Variants in MDM4 observed in about 807,000 individuals in gnomAD.
MDM4 encodes the protein MDM4 regulator of p53.
Under a neutral mutation model 60.2 loss-of-function variants are expected in MDM4, and 2 were observed. The ratio of observed to expected loss-of-function variants is 0.03; its 90% confidence interval spans 0.01 to 0.10. The LOEUF is 0.10. Ranked by LOEUF, MDM4 falls within the 10% of genes least tolerant of loss-of-function variation. The pLI, the probability that MDM4 is intolerant of heterozygous loss-of-function variation, is 1.00. For missense variants in MDM4, 447 were observed against 577.5 expected (o/e 0.77, Z 2.32); for synonymous variants, 202 against 198.1 (o/e 1.02, Z -0.17).
intron 3 of MDM4, chr1:204,529,286 C>T (rs1338178365): frequency 5.3e-6 from 4 of 748,124 alleles, no homozygotes; most frequent in African/African-American, 1.7e-5. Context: ...TGCTTCACCT[C>T]CTTCATGGAG....
In MDM4 at chr1:204,532,475, A is replaced by G. The variant is rs574738020; in HGVS notation, c.343+229A>G. The G allele has an allele frequency of 6.2e-5, 35 of 562,784 alleles. No individual in the cohort carries two copies. The East Asian group carries it at 9.9e-4, about 16-fold the overall frequency. The allele number at this position is 562,784 out of a possible 1,614,324, so 34.9% of individuals were successfully genotyped here. A position where few individuals can be genotyped will look rare whatever the true frequency, so the allele number is the denominator to read the frequency against. On this transcript the variant is annotated intron_variant, in intron 5 of 10. Coordinates refer to ENST00000367182, the MANE Select transcript of MDM4 (RefSeq NM_002393.5). Reference sequence around the variant, plus strand: ...CTAGACGTACTGTTAACGTTTTGTCATATTGCTTCATCTAGACACACTTTT... The same window carrying G: ...CTAGACGTACTGTTAACGTTTTGTCGTATTGCTTCATCTAGACACACTTTT...
intron 4 of MDM4, 129 bp from the exon 5 acceptor site, chr1:204,532,062 G>A: frequency 3.5e-6 from 2 of 564,112 alleles, no homozygotes; most frequent in South Asian, 2.5e-5. Flanking sequence ...AAAAGATTCT[G>A]CCTTTGTATG....
chr1:204,544,653 G>T lies in MDM4; in HGVS notation c.791G>T (p.Ser264Ile). 6.2e-7 allele frequency: 1 copy of T among 1,613,320 alleles called. No individual in the cohort carries two copies. Among genetic ancestry groups the T allele is most frequent in the Non-Finnish European group, 8.5e-7 (1 of 1,179,458 alleles). Reference protein sequence around the residue: ...KVEAADTEQTSEEVGKVSDKK... With the variant: ...KVEAADTEQTIEEVGKVSDKK... The stretch of plus-strand genomic sequence containing the variant: ...GAAGCTGCTGATACTGAACAAACAA[G>T]TGAAGAAGTAGGGAAAGTAAGTGAC... The change falls in exon 9 of 11, where the codon AGT becomes ATT. Residue 264 changes from serine (S) to isoleucine (I), a missense_variant. Coordinates refer to ENST00000367182, the MANE Select transcript of MDM4 (RefSeq NM_002393.5).
chr1:204,531,904 A>G (rs1276904482), intron 4 of MDM4, among the ~76,000 whole-genome samples: 1 of 152,204 alleles, frequency 6.6e-6, no homozygotes, highest in Non-Finnish European at 1.5e-5. Context: ...GAAGGAAGGA[A>G]TAGTTTCCAA....
At chr1:204,519,604 G>A (rs1659348536) in intron 1 of MDM4, among the ~76,000 whole-genome samples, 1 of 152,174 alleles carries the variant, frequency 6.6e-6, no homozygotes, top group Admixed American at 6.5e-5. Flanking sequence ...AGCACTTTGG[G>A]AGGCTGAAAA....
chr1:204,554,377 A>C lies in MDM4; in HGVS notation c.*4695A>C, dbSNP rs1207588261. On this transcript the variant is annotated 3_prime_UTR_variant, in exon 11 of 11. Coordinates refer to ENST00000367182, the MANE Select transcript of MDM4 (RefSeq NM_002393.5). ...ATATCCTAACGAGCAATTAGTTCTGATGGTTCTCCCAGTCATGAGTGTGCA... is the reference window on the plus strand; with the variant it reads ...ATATCCTAACGAGCAATTAGTTCTGCTGGTTCTCCCAGTCATGAGTGTGCA... The C allele has an allele frequency of 4.4e-6, 1 of 226,164 alleles. No individual in the cohort carries two copies. Among genetic ancestry groups the C allele is most frequent in the Admixed American group, 5.7e-5 (1 of 17,544 alleles). 14.0% of individuals were successfully genotyped at this position (226,164 alleles called of 1,614,324 possible). A position where few individuals can be genotyped will look rare whatever the true frequency, so the allele number is the denominator to read the frequency against.
chr1:204,524,742 G>A (rs1042254998), intron 1 of MDM4, among the ~76,000 whole-genome samples: 3 of 152,216 alleles, frequency 2.0e-5, no homozygotes, highest in East Asian at 3.9e-4. Context: ...GCGCCATTGC[G>A]CTTCAGCCTG....
chr1:204,537,167 G>A, intron 5 of MDM4: 2 of 445,316 alleles, frequency 4.5e-6, no homozygotes, highest in Admixed American at 8.1e-5. Flanking sequence ...GCTTGATATG[G>A]AAGAACATTT....
intron 1 of MDM4, among the ~76,000 whole-genome samples, chr1:204,523,461 C>T (rs1450277522): frequency 3.6e-5 from 5 of 140,468 alleles, no homozygotes; most frequent in Non-Finnish European, 7.6e-5. Flanking sequence ...AGCGAGACTC[C>T]ACCTAAAAAA....
At chr1:204,531,425 A>G (rs1262065913) in intron 4 of MDM4, among the ~76,000 whole-genome samples, 1 of 152,196 alleles carries the variant, frequency 6.6e-6, no homozygotes, top group Non-Finnish European at 1.5e-5. Context: ...CTCCAGCTGC[A>G]TGGGGTGTAA....
Position 204,555,448 on chromosome 1 carries a change from C to T in MDM4, c.*5766C>T, listed in dbSNP as rs187179346. ...GATTACAGGCGTGAGCCACCGCGCC[C>T]GGCCGGAACTCTCCATTTCTTAAGG... On this transcript the variant is annotated 3_prime_UTR_variant, in exon 11 of 11. Transcript: ENST00000367182. The T allele has an allele frequency of 4.3e-5, 7 of 163,400 alleles. No individual in the cohort carries two copies. The highest frequency in any genetic ancestry group is 6.7e-5 in the Non-Finnish European group (5 of 74,402). The allele number at this position is 163,400 out of a possible 1,614,324, so 10.1% of individuals were successfully genotyped here.
chr1:204,529,609 G>T (rs546771407), intron 3 of MDM4: 44 of 1,255,170 alleles, frequency 3.5e-5, no homozygotes, highest in Non-Finnish European at 3.7e-5. Context: ...CTACTGGGGG[G>T]GGTCCAAGGT....
Position 204,544,654 on chromosome 1 carries a change from TGAA to T in MDM4, c.797_799del (p.Glu266del), listed in dbSNP as rs772510130. On this transcript the variant is annotated inframe_deletion, in exon 9 of 11. Coordinates refer to ENST00000367182, the MANE Select transcript of MDM4 (RefSeq NM_002393.5). Reference sequence around the variant, plus strand: ...AAGCTGCTGATACTGAACAAACAAGTGAAGAAGTAGGGAAAGTAAGTGACAAAA... The same window carrying T: ...AAGCTGCTGATACTGAACAAACAAGTGAAGTAGGGAAAGTAAGTGACAAAA... 1 of 1,613,120 alleles carries T rather than the reference TGAA, an allele frequency of 6.2e-7. No individual in the cohort carries two copies.
intron 5 of MDM4, among the ~76,000 whole-genome samples, chr1:204,534,287 A>G (rs1320369604): frequency 2.0e-5 from 3 of 152,236 alleles, no homozygotes; most frequent in Non-Finnish European, 4.4e-5. Flanking sequence ...AATCACTTGT[A>G]AAATAGCATG....
intron 4 of MDM4, 39 bp downstream of exon 4, chr1:204,530,856 T>G: frequency 6.2e-7 from 1 of 1,613,562 alleles, no homozygotes; most frequent in South Asian, 1.1e-5. Context: ...TTTGGGTGCT[T>G]ATACCTAGCC....
At chr1:204,529,236 C>T (rs4252690) in intron 3 of MDM4, 20,181 of 729,122 alleles carry the variant, frequency 0.028, 467 homozygotes, top group Middle Eastern at 0.073. Context: ...TGAGGCAGGT[C>T]TCATCATTGA....
At chr1:204,530,283 C>T (rs1310328773) in intron 3 of MDM4, among the ~76,000 whole-genome samples, 1 of 152,186 alleles carries the variant, frequency 6.6e-6, no homozygotes, top group Non-Finnish European at 1.5e-5. Flanking sequence ...ATTATGTGAA[C>T]ACATATCAAA....
chr1:204,525,075 T>C (rs1242237573), intron 1 of MDM4, among the ~76,000 whole-genome samples: 1 of 152,232 alleles, frequency 6.6e-6, no homozygotes, highest in Non-Finnish European at 1.5e-5. Flanking sequence ...GTAGAGGTTT[T>C]CCTAGAAGTC....
At chr1:204,543,980 TAATA>T (rs1662391321) in intron 8 of MDM4, among the ~76,000 whole-genome samples, 1 of 152,194 alleles carries the variant, frequency 6.6e-6, no homozygotes, top group Admixed American at 6.5e-5. Flanking sequence ...GTGTGCAAAA[TAATA>T]AATTGTCTCT....
Sources: allele counts gnomAD v4.1 joint callset (sites outside exome capture counted in the v4.1 genomes callset), GRCh38; gene constraint gnomAD v4.1.1; transcripts MANE v1.5; gene names NCBI Gene and HGNC (gene_info 2026-07-23, HGNC 2026-07-21).